ADARB2: variants seen among roughly 807,000 people sequenced by gnomAD.
ADARB2 encodes inactive double-stranded RNA-specific editase B2.
In ADARB2, 25 loss-of-function variants were observed where a neutral mutation model predicts 62.2. The ratio of observed to expected loss-of-function variants is 0.40; its 90% CI spans 0.29 to 0.56. The LOEUF (loss-of-function observed/expected upper bound fraction) is 0.56. Among genes scored for constraint, ADARB2 ranks in the 20% least tolerant of loss-of-function variants. The pLI, the probability that ADARB2 is intolerant of heterozygous loss-of-function variation, is 0.43. For missense variants in ADARB2, 1,071 were observed against 1,077.4 expected (o/e 0.99, Z 0.08); for synonymous variants, 572 against 500.8 (o/e 1.14, Z -1.90).
At chr10:1,556,575 G>A (rs752887555) in intron 1 of ADARB2, 15 of 438,240 alleles carry the variant, frequency 3.4e-5, no homozygotes, top group Admixed American at 2.2e-4. Context: ...GTCTGGGGAG[G>A]GCCTGAGCAT....
intron 1 of ADARB2, among the ~76,000 whole-genome samples, chr10:1,710,425 G>A (rs962128916): frequency 6.6e-6 from 1 of 152,178 alleles, no homozygotes; most frequent in Non-Finnish European, 1.5e-5. Context: ...AGCAATTGCC[G>A]AAACTCCCTG....
intron 8 of ADARB2, 67 bp downstream of exon 8, chr10:1,199,899 C>T (rs1289460682): frequency 3.7e-5 from 53 of 1,422,520 alleles, no homozygotes; most frequent in Middle Eastern, 2.6e-4. Flanking sequence ...ATGGCACCGC[C>T]GGGCACACCT....
chr10:1,406,104 C>T (rs1019634463), intron 1 of ADARB2, among the ~76,000 whole-genome samples: 1 of 152,192 alleles, frequency 6.6e-6, no homozygotes, highest in African/African-American at 2.4e-5. Context: ...TAGACTTGGG[C>T]TATGTGTTAT....
rs1265669570 is a variant in ADARB2, at chr10:1,209,507, A to G, written c.1682+7444T>C. Among the ~76,000 whole-genome samples, 3 of 122,892 alleles carry G rather than the reference A, an allele frequency of 2.4e-5. No individual in the cohort carries two copies. The East Asian group carries it at 8.5e-4, about 35-fold the overall frequency. The allele number at this position is 122,892 out of a possible 152,430, so 80.6% of individuals were successfully genotyped here. A position where few individuals can be genotyped will look rare whatever the true frequency, so the allele number is the denominator to read the frequency against. On this transcript the variant is annotated intron_variant, in intron 7 of 9. Coordinates refer to ENST00000381312, the MANE Select transcript of ADARB2 (RefSeq NM_018702.4). ...TGCCTACACTGTCGCCCATGCCTACACTGTCACCCATGCCCACACCTACAG... is the reference window on the plus strand; with the variant it reads ...TGCCTACACTGTCGCCCATGCCTACGCTGTCACCCATGCCCACACCTACAG...
intron 1 of ADARB2, among the ~76,000 whole-genome samples, chr10:1,687,900 C>T (rs183743461): frequency 2.0e-5 from 3 of 152,286 alleles, no homozygotes; most frequent in East Asian, 3.9e-4. Flanking sequence ...AGTGCGTATA[C>T]AGTGACAGTT....
At chr10:1,498,557 T>C (rs1453635806) in intron 1 of ADARB2, among the ~76,000 whole-genome samples, 1 of 152,102 alleles carries the variant, frequency 6.6e-6, no homozygotes, top group African/African-American at 2.4e-5. Context: ...AAAATTACTG[T>C]TTATAAAAAC....
chr10:1,363,839 G>GCCCGGT lies in ADARB2; in HGVS notation c.260_265dup (p.Asp87_Arg88dup). 1 of 1,558,720 alleles carries GCCCGGT rather than the reference G, an allele frequency of 6.4e-7. No individual in the cohort carries two copies. The highest frequency in any genetic ancestry group is 8.6e-7 in the Non-Finnish European group (1 of 1,159,716). On this transcript the variant is annotated inframe_insertion, in exon 3 of 10. Coordinates refer to ENST00000381312, the MANE Select transcript of ADARB2 (RefSeq NM_018702.4). ...CTTCGCGCCGGGCGCGCCGCCCCGG[G>GCCCGGT]CCCGGTCCCCGGAGGGCGGTGGCCG... is the stretch of plus-strand genomic sequence containing the variant.
At position 1,326,759 on chromosome 10, in the gene ADARB2, G is replaced by A. The variant is rs532618401; in HGVS notation, c.1077+36269C>T. The stretch of plus-strand genomic sequence containing the variant: ...GCACGGCGCCTCCCGACGGCACGGC[G>A]CCTCTGGTAGCACAGCCCCTCCTCA... On this transcript the variant is annotated intron_variant, in intron 3 of 9. Transcript: ENST00000381312. Among the ~76,000 whole-genome samples the A allele has an allele frequency of 2.8e-3, 409 of 146,738 alleles. 7 individuals carry two copies. The highest frequency in any genetic ancestry group is 9.7e-3 in the African/African-American group (386 of 39,656).
chr10:1,731,883 T>C (rs2119048590), intron 1 of ADARB2, among the ~76,000 whole-genome samples: 1 of 152,326 alleles, frequency 6.6e-6, no homozygotes, highest in South Asian at 2.1e-4. Flanking sequence ...TATTCGTATA[T>C]TCGGTTTCAA....
At chr10:1,192,053 A>C (rs1266512716) in intron 8 of ADARB2, among the ~76,000 whole-genome samples, 1 of 152,232 alleles carries the variant, frequency 6.6e-6, no homozygotes, top group Non-Finnish European at 1.5e-5. Context: ...GCGGAGCTAT[A>C]AAAAGATGCC....
chr10:1,410,772 C>T (rs1039996011), intron 1 of ADARB2, among the ~76,000 whole-genome samples: 3 of 152,150 alleles, frequency 2.0e-5, no homozygotes, highest in African/African-American at 2.4e-5. Context: ...GAGCAGGAAT[C>T]GTCGGTGCAA....
At chr10:1,325,695 T>C (rs951463766) in intron 3 of ADARB2, among the ~76,000 whole-genome samples, 3 of 152,176 alleles carry the variant, frequency 2.0e-5, no homozygotes, top group African/African-American at 7.2e-5. Context: ...AGACAGCCCC[T>C]GAAGTCCTCC....
At chr10:1,481,308 T>C (rs997118216) in intron 1 of ADARB2, among the ~76,000 whole-genome samples, 1 of 152,112 alleles carries the variant, frequency 6.6e-6, no homozygotes, top group East Asian at 1.9e-4. Flanking sequence ...AAACTCAAAA[T>C]TGATCAAAGA....
chr10:1,608,283 G>A (rs557020639), intron 1 of ADARB2, among the ~76,000 whole-genome samples: 5 of 152,222 alleles, frequency 3.3e-5, no homozygotes, highest in East Asian at 1.9e-4. Context: ...TATGCTCACC[G>A]GGTCCCTCAG....
chr10:1,664,563 A>G (rs1163083077), intron 1 of ADARB2, among the ~76,000 whole-genome samples: 1 of 152,212 alleles, frequency 6.6e-6, no homozygotes, highest in Non-Finnish European at 1.5e-5. Flanking sequence ...AGCAGTTGGT[A>G]AGAAGAATTG....
chr10:1,678,975 G>T (rs1422768631), intron 1 of ADARB2, among the ~76,000 whole-genome samples: 2 of 152,218 alleles, frequency 1.3e-5, no homozygotes, highest in African/African-American at 4.8e-5. Flanking sequence ...TCAGGCCAAT[G>T]CCCACTGGAT....
At chr10:1,725,800 C>T (rs1835156208) in intron 1 of ADARB2, among the ~76,000 whole-genome samples, 1 of 152,184 alleles carries the variant, frequency 6.6e-6, no homozygotes, top group Non-Finnish European at 1.5e-5. Flanking sequence ...GTGAAGCTAT[C>T]CTGGGAAACA....
At chr10:1,689,754 C>T (rs1027360201) in intron 1 of ADARB2, among the ~76,000 whole-genome samples, 12 of 152,304 alleles carry the variant, frequency 7.9e-5, no homozygotes, top group East Asian at 5.8e-4. Context: ...GCTGCCTATA[C>T]GCATATGTGT....
At chr10:1,341,069 A>G (rs559629201) in intron 3 of ADARB2, among the ~76,000 whole-genome samples, 1 of 151,464 alleles carries the variant, frequency 6.6e-6, no homozygotes, top group African/African-American at 2.4e-5. Flanking sequence ...CAGCGGCGAT[A>G]ACTGGCATCC....
Sources: gnomAD v4.1 joint callset for allele counts (sites outside exome capture counted in the v4.1 genomes callset) on GRCh38, gnomAD v4.1.1 for gene constraint, MANE v1.5 for transcripts, NCBI Gene and HGNC (gene_info 2026-07-23, HGNC 2026-07-21) for gene names.